Variants in CTBP2 observed in about 807,000 individuals in gnomAD.
The protein encoded by CTBP2 is C-terminal binding protein 2.
Under a neutral mutation model 80.3 loss-of-function variants are expected in CTBP2, and 30 were observed. The observed-to-expected ratio is 0.37, with a 90% CI of 0.28 to 0.51. CTBP2 has a LOEUF of 0.51. Among genes scored for constraint, CTBP2 ranks in the 20% least tolerant of loss-of-function variants. The pLI is 0.93. For missense variants in CTBP2, 1,212 were observed against 1,375.3 expected (o/e 0.88, Z 1.88); for synonymous variants, 594 against 587.4 (o/e 1.01, Z -0.16).
intron 2 of CTBP2, among the ~76,000 whole-genome samples, chr10:125,104,256 C>T (rs1851105506): frequency 6.6e-6 from 1 of 152,198 alleles, no homozygotes; most frequent in Admixed American, 6.5e-5. Context: ...CATCAGTATA[C>T]ATTTATAAAG....
intron 1 of CTBP2, among the ~76,000 whole-genome samples, chr10:125,129,940 T>A (rs1475229105): frequency 6.6e-6 from 1 of 151,942 alleles, no homozygotes; most frequent in Admixed American, 6.6e-5. Flanking sequence ...AAGGGCCCTC[T>A]GGGAAGAAAA....
intron 2 of CTBP2, among the ~76,000 whole-genome samples, chr10:125,063,594 AT>A (rs1429524889): frequency 2.0e-5 from 3 of 152,220 alleles, no homozygotes; most frequent in African/African-American, 7.2e-5. Context: ...GTAAAAATTA[AT>A]TGCCACATAA....
intron 2 of CTBP2, among the ~76,000 whole-genome samples, chr10:125,058,781 C>T (rs899856785): frequency 6.6e-6 from 1 of 152,198 alleles, no homozygotes; most frequent in Non-Finnish European, 1.5e-5. Flanking sequence ...GTAATCTCCA[C>T]AACTCAGGAC....
chr10:125,054,807 C>G (rs1036677), intron 2 of CTBP2, among the ~76,000 whole-genome samples: 23,881 of 152,164 alleles, frequency 0.16, 2,406 homozygotes, highest in East Asian at 0.53. Flanking sequence ...AAGCGAAACC[C>G]TCTAAATCCT....
intron 1 of CTBP2, among the ~76,000 whole-genome samples, chr10:125,127,137 T>C (rs1855420154): frequency 6.6e-6 from 1 of 152,172 alleles, no homozygotes; most frequent in African/African-American, 2.4e-5. Flanking sequence ...CCCATGCACA[T>C]GCTCTCAAAT....
chr10:125,146,357 T>C (rs1858772304), intron 1 of CTBP2, among the ~76,000 whole-genome samples: 1 of 152,066 alleles, frequency 6.6e-6, no homozygotes, highest in Admixed American at 6.5e-5. Flanking sequence ...CTTGGCTTAC[T>C]GCAACCTCTG....
chr10:125,127,840 G>C (rs908968270), intron 1 of CTBP2, among the ~76,000 whole-genome samples: 3 of 152,296 alleles, frequency 2.0e-5, no homozygotes, highest in East Asian at 3.9e-4. Context: ...CAACTGTCGT[G>C]AAATTTTTGG....
At chr10:125,100,884 T>C (rs954720455) in intron 2 of CTBP2, 8 of 152,232 alleles carry the variant, frequency 5.3e-5, no homozygotes, top group Non-Finnish European at 1.2e-4. Flanking sequence ...GATGAAGACT[T>C]TTGAAATTTA....
chr10:125,107,334 A>T (rs1465575527), intron 2 of CTBP2, among the ~76,000 whole-genome samples: 3 of 152,174 alleles, frequency 2.0e-5, no homozygotes, highest in Non-Finnish European at 4.4e-5. Flanking sequence ...GCAGGATCAC[A>T]CGGCCCTAGC....
Position 125,043,497 on chromosome 10 carries a change from C to T in CTBP2, c.-101-4342G>A, listed in dbSNP as rs1016403232. 3.9e-5 allele frequency among the ~76,000 whole-genome samples: 6 copies of T among 151,998 alleles called. No individual in the cohort carries two copies. In the South Asian group the frequency reaches 1.2e-3, roughly 31 times the overall value. ...TGTCGCCCAGGCTGGAGTGCAGGGG[C>T]GCAATCTGGGCTCACTGCAAGCTCC... On this transcript the variant is annotated intron_variant, in intron 2 of 10. Coordinates refer to the CTBP2 transcript ENST00000337195.
Position 125,105,049 on chromosome 10 carries a change from T to C in CTBP2, c.-102+5941A>G, listed in dbSNP as rs573940499. On this transcript the variant is annotated intron_variant, in intron 2 of 10. Transcript: ENST00000337195. ...CAGGGTCTGCCTCTGTCACTCAGGCTAAGTAGAGGGGTGTGATCACAGTGC... is the reference window on the plus strand; with the variant it reads ...CAGGGTCTGCCTCTGTCACTCAGGCCAAGTAGAGGGGTGTGATCACAGTGC... Among the ~76,000 whole-genome samples, 68 of 152,340 alleles carry C rather than the reference T, an allele frequency of 4.5e-4. No homozygotes were observed. In the South Asian group the frequency reaches 0.014, roughly 31 times the overall value.
At chr10:125,093,908 T>C (rs1849160098) in intron 2 of CTBP2, among the ~76,000 whole-genome samples, 1 of 152,056 alleles carries the variant, frequency 6.6e-6, no homozygotes, top group Non-Finnish European at 1.5e-5. Context: ...CTGGAGAAAA[T>C]AATTGAATTA....
intron 1 of CTBP2, chr10:125,026,048 T>G: frequency 6.5e-7 from 1 of 1,535,130 alleles, no homozygotes; most frequent in Non-Finnish European, 8.8e-7. Context: ...TCCCCCCAGG[T>G]CCCCAGGCAG....
Position 125,005,082 on chromosome 10 carries a change from C to T in CTBP2, c.1679-1590G>A, listed in dbSNP as rs975245290. On this transcript the variant is annotated intron_variant, in intron 1 of 8. Coordinates refer to ENST00000309035, the MANE Select transcript of CTBP2 (RefSeq NM_022802.3). ...GAAGGAAATCCCCCTCCACTGGGGCCGTGACTGCATCCTGTTAAGACTATA... is the reference window on the plus strand; with the variant it reads ...GAAGGAAATCCCCCTCCACTGGGGCTGTGACTGCATCCTGTTAAGACTATA... Among the ~76,000 whole-genome samples, 11 of 152,316 alleles carry T rather than the reference C, an allele frequency of 7.2e-5. 1 individual carries two copies. Among genetic ancestry groups the T allele is most frequent in the South Asian group, 6.2e-4 (3 of 4,826 alleles).
At position 124,988,184 on chromosome 10, in the gene CTBP2, A is replaced by T. The variant is rs1268931912; in HGVS notation, c.*1334T>A. On this transcript the variant is annotated 3_prime_UTR_variant, in exon 9 of 9. Coordinates refer to ENST00000309035, the MANE Select transcript of CTBP2 (RefSeq NM_022802.3). ...TTTCAATTAAACTTTTTGTTATCAC[A>T]GGTAATTAATTGTCAGCGGTCTTGA... 1.3e-5 allele frequency: 2 copies of T among 152,638 alleles called. No homozygotes were observed. The highest frequency in any genetic ancestry group is 4.8e-5 in the African/African-American group (2 of 41,450). The allele number at this position is 152,638 out of a possible 1,614,324, so 9.5% of individuals were successfully genotyped here. A position where few individuals can be genotyped will look rare whatever the true frequency, so the allele number is the denominator to read the frequency against.
chr10:125,103,562 C>T (rs1423624954), intron 2 of CTBP2, among the ~76,000 whole-genome samples: 2 of 152,182 alleles, frequency 1.3e-5, no homozygotes, highest in African/African-American at 4.8e-5. Context: ...AACAGGCCAC[C>T]CAGGCAGAGG....
intron 1 of CTBP2, among the ~76,000 whole-genome samples, chr10:125,153,144 A>AGCAGAGTAAGG (rs1860300630): frequency 1.3e-5 from 2 of 152,182 alleles, no homozygotes; most frequent in Admixed American, 1.3e-4. Flanking sequence ...AGGCCACATG[A>AGCAGAGTAAGG]CCGCACAGAG....
upstream of CTBP2, among the ~76,000 whole-genome samples, chr10:125,031,467 C>A (rs972533785): frequency 9.6e-6 from 1 of 104,130 alleles, no homozygotes; most frequent in East Asian, 3.4e-4. Flanking sequence ...CCAGCCTGGG[C>A]AACAGAGCAA....
intron 3 of CTBP2, 68 bp downstream of exon 3, chr10:125,038,929 G>A (rs1959162929): frequency 6.6e-7 from 1 of 1,514,324 alleles, no homozygotes; most frequent in Non-Finnish European, 9.1e-7. Flanking sequence ...CAACTCAAGG[G>A]AGCAGCCAGC....
Sources: allele counts gnomAD v4.1 joint callset (sites outside exome capture counted in the v4.1 genomes callset), GRCh38; gene constraint gnomAD v4.1.1; transcripts MANE v1.5; gene names NCBI Gene and HGNC (gene_info 2026-07-23, HGNC 2026-07-21).